Variants in FAM135A observed in about 807,000 individuals in gnomAD.
FAM135A encodes the protein family with sequence similarity 135 member A, also known as protein FAM135A.
A neutral mutation model predicts 146.8 loss-of-function variants in FAM135A; 79 were observed. The observed-to-expected ratio is 0.54, with a 90% CI of 0.45 to 0.65. FAM135A has a LOEUF of 0.65. Among genes scored for constraint, FAM135A ranks in the 30% least tolerant of loss-of-function variants. The pLI is 0.00. For missense variants in FAM135A, 1,623 were observed against 1,758.2 expected (o/e 0.92, Z 1.38); for synonymous variants, 562 against 603.6 (o/e 0.93, Z 1.01).
intron 11 of FAM135A, among the ~76,000 whole-genome samples, chr6:70,498,940 ATG>A (rs202220731): frequency 0.021 from 3,231 of 152,278 alleles, 104 homozygotes; most frequent in African/African-American, 0.074. Flanking sequence ...ACTGAGAAGA[ATG>A]TATATTCTGT....
intron 18 of FAM135A, among the ~76,000 whole-genome samples, chr6:70,535,020 A>T (rs894153178): frequency 4.6e-5 from 7 of 152,174 alleles, no homozygotes; most frequent in Non-Finnish European, 1.0e-4. Flanking sequence ...TTATTCATTT[A>T]TTTTATGATG....
At chr6:70,509,060 A>T (rs907550048) in intron 12 of FAM135A, among the ~76,000 whole-genome samples, 3 of 152,164 alleles carry the variant, frequency 2.0e-5, no homozygotes, top group South Asian at 2.1e-4. Flanking sequence ...AGAGCAAAAA[A>T]AATCCAAGTT....
intron 5 of FAM135A, among the ~76,000 whole-genome samples, chr6:70,454,094 A>G (rs1777731371): frequency 6.6e-6 from 1 of 152,166 alleles, no homozygotes; most frequent in Non-Finnish European, 1.5e-5. Flanking sequence ...TGACTTTTTA[A>G]TGATCACCAT....
At chr6:70,471,386 T>A (rs920351906) in intron 5 of FAM135A, among the ~76,000 whole-genome samples, 8 of 152,266 alleles carry the variant, frequency 5.3e-5, no homozygotes, top group African/African-American at 1.7e-4. Flanking sequence ...AAAGGATTAT[T>A]GAATTTGTGG....
chr6:70,536,141 T>C, intron 18 of FAM135A, 119 bp from the exon 19 acceptor site: 1 of 939,384 alleles, frequency 1.1e-6, no homozygotes, highest in Non-Finnish European at 1.5e-6. Flanking sequence ...CACTATACTT[T>C]TACAACATTA....
Position 70,533,249 on chromosome 6 carries a change from C to G in FAM135A, c.3865C>G (p.Gln1289Glu), listed in dbSNP as rs1308687281. ...TGATTTTCTTATGTCTGAGAGAAATCAGGTACAATATGACAGTGTTTTCAG... is the reference window on the plus strand; with the variant it reads ...TGATTTTCTTATGTCTGAGAGAAATGAGGTACAATATGACAGTGTTTTCAG... ...RIDFLMSERN[Q>E]NDTFADFDSM... Residue 1289 changes from glutamine (Q) to glutamate (E), a missense_variant and splice_region_variant, in exon 17 of 22, where the codon CAG becomes GAG. Coordinates refer to ENST00000418814, the MANE Select transcript of FAM135A (RefSeq NM_001162529.3). 2 of 1,610,508 alleles carry G rather than the reference C, an allele frequency of 1.2e-6. No homozygotes were observed. The highest frequency in any genetic ancestry group is 1.7e-6 in the Non-Finnish European group (2 of 1,177,352).
chr6:70,418,174 A>G (rs1767641500), intron 2 of FAM135A, among the ~76,000 whole-genome samples: 1 of 152,092 alleles, frequency 6.6e-6, no homozygotes, highest in African/African-American at 2.4e-5. Flanking sequence ...TACTAAGCTC[A>G]CCTTTGCTGT....
intron 20 of FAM135A, among the ~76,000 whole-genome samples, chr6:70,544,034 A>G (rs1401071897): frequency 6.6e-6 from 1 of 152,202 alleles, no homozygotes; most frequent in Non-Finnish European, 1.5e-5. Flanking sequence ...GTAGTATCTC[A>G]TAAGATTATT....
chr6:70,528,276 T>C lies in FAM135A; in HGVS notation c.3615-16T>C. On this transcript the variant is annotated splice_polypyrimidine_tract_variant and intron_variant, in intron 15 of 21. Coordinates refer to ENST00000418814, the MANE Select transcript of FAM135A (RefSeq NM_001162529.3). Reference sequence around the variant, plus strand: ...TATGATCCTTAGTAAAGAGTATCTTTTGTATTTTGCTTCAGCTTCCTTCAG... The same window carrying C: ...TATGATCCTTAGTAAAGAGTATCTTCTGTATTTTGCTTCAGCTTCCTTCAG... 1 of 1,598,116 alleles carries C rather than the reference T, an allele frequency of 6.3e-7. No homozygotes were observed. Among genetic ancestry groups the C allele is most frequent in the Non-Finnish European group, 8.5e-7 (1 of 1,173,910 alleles).
chr6:70,509,242 T>C (rs953007988), intron 12 of FAM135A, among the ~76,000 whole-genome samples: 24 of 152,306 alleles, frequency 1.6e-4, no homozygotes, highest in African/African-American at 5.3e-4. Context: ...ACAACCAGCC[T>C]GGGCAACATA....
Position 70,526,081 on chromosome 6 carries a change from T to A in FAM135A, c.2997T>A (p.Asn999Lys). 1 of 1,612,934 alleles carries A rather than the reference T, an allele frequency of 6.2e-7. No homozygotes were observed. The highest frequency in any genetic ancestry group is 8.5e-7 in the Non-Finnish European group (1 of 1,179,530). ...DVSEDRTMKK[N>K]SDVLNLTQMY... ...GTGAAGATAGAACTATGAAAAAAAATAGTGATGTATTAAATCTCACACAGA... is the reference window on the plus strand; with the variant it reads ...GTGAAGATAGAACTATGAAAAAAAAAAGTGATGTATTAAATCTCACACAGA... The change falls in exon 15 of 22, where the codon AAT (asparagine) becomes AAA (lysine). Residue 999 changes from asparagine to lysine, a missense_variant. Asn to Lys is a moderately conservative substitution (Grantham distance 94). Around this residue, in one of 7 missense-constraint regions of FAM135A, gnomAD observed 1,061 missense variants for 1,113.8 expected, o/e 0.95. Coordinates refer to ENST00000418814, the MANE Select transcript of FAM135A (RefSeq NM_001162529.3).
At chr6:70,533,127 C>A (rs751662250) in intron 16 of FAM135A, 33 bp from the exon 17 acceptor site, 15 of 1,537,394 alleles carry the variant, frequency 9.8e-6, no homozygotes, top group Admixed American at 3.4e-5. Flanking sequence ...TTTACTTTAT[C>A]TCATCCTTTA....
intron 20 of FAM135A, among the ~76,000 whole-genome samples, chr6:70,549,899 C>A (rs952875084): frequency 6.6e-6 from 1 of 152,156 alleles, no homozygotes; most frequent in Non-Finnish European, 1.5e-5. Context: ...CCTGCCACTG[C>A]TTTTTCAACT....
intron 20 of FAM135A, among the ~76,000 whole-genome samples, chr6:70,552,302 C>A (rs1799960881): frequency 1.3e-5 from 2 of 151,248 alleles, no homozygotes; most frequent in Non-Finnish European, 2.9e-5. Context: ...TTTATATAAA[C>A]CCTTTATATA....
intron 20 of FAM135A, among the ~76,000 whole-genome samples, chr6:70,540,393 C>T (rs1208700049): frequency 7.2e-6 from 1 of 138,868 alleles, no homozygotes; most frequent in African/African-American, 2.7e-5. Flanking sequence ...GGCACGATCT[C>T]GGCTCGCTGC....
Position 70,428,551 on chromosome 6 carries a change from A to G in FAM135A, c.77+132A>G, listed in dbSNP as rs75679800. The G allele has an allele frequency of 1.9e-3, 951 of 505,238 alleles. 4 individuals are homozygous for G. Among genetic ancestry groups the G allele is most frequent in the South Asian group, 4.6e-3 (94 of 20,506 alleles). The allele number at this position is 505,238 out of a possible 1,614,324, so 31.3% of individuals were successfully genotyped here. On this transcript the variant is annotated intron_variant, in intron 4 of 21. Coordinates refer to ENST00000418814, the MANE Select transcript of FAM135A (RefSeq NM_001162529.3). ...TATATTCAAGTAATTATTTTCTCAG[A>G]TAAATTTTATTTATTAAATAGATAT... is the stretch of plus-strand genomic sequence containing the variant.
At chr6:70,547,686 G>A (rs1799095351) in intron 20 of FAM135A, among the ~76,000 whole-genome samples, 1 of 152,174 alleles carries the variant, frequency 6.6e-6, no homozygotes, top group African/African-American at 2.4e-5. Flanking sequence ...AAACTCTGAA[G>A]TTTTAGAACA....
intron 11 of FAM135A, among the ~76,000 whole-genome samples, chr6:70,496,573 G>A (rs1028279307): frequency 5.3e-5 from 8 of 152,072 alleles, no homozygotes; most frequent in Non-Finnish European, 1.2e-4. Context: ...TGAAGTCTTT[G>A]CCCATCATGC....
chr6:70,510,824 A>T (rs1790827613), intron 12 of FAM135A, among the ~76,000 whole-genome samples: 1 of 151,992 alleles, frequency 6.6e-6, no homozygotes, highest in Non-Finnish European at 1.5e-5. Context: ...TCTATGTTTA[A>T]CTTTTTGAGG....
Sources: gnomAD v4.1 joint callset for allele counts (sites outside exome capture counted in the v4.1 genomes callset) on GRCh38, gnomAD v4.1.1 for gene constraint, gnomAD v4.1.1 regional missense constraint, MANE v1.5 for transcripts, NCBI Gene and HGNC (gene_info 2026-07-23, HGNC 2026-07-21) for gene names.